Variants in NRG3 observed in about 807,000 individuals in gnomAD.
The protein encoded by NRG3 is pro-neuregulin-3, membrane-bound isoform.
NRG3 carries 31 observed loss-of-function variants against 66.9 expected under a neutral mutation model. The ratio of observed to expected loss-of-function variants is 0.46; its 90% confidence interval spans 0.35 to 0.63. The LOEUF (loss-of-function observed/expected upper bound fraction) is 0.63. NRG3 is among the 20% of genes least tolerant of loss of function. The pLI is 0.00. For missense variants in NRG3, 910 were observed against 878.9 expected (o/e 1.04, Z -0.45); for synonymous variants, 393 against 359.4 (o/e 1.09, Z -1.06).
chr10:82,901,895 A>G (rs185607675), intron 4 of NRG3, among the ~76,000 whole-genome samples: 16 of 152,274 alleles, frequency 1.1e-4, no homozygotes, highest in Non-Finnish European at 2.1e-4. Context: ...ACTTGCTTTT[A>G]TTTAGCGGCA....
At chr10:82,772,109 A>G (rs1427801873) in intron 3 of NRG3, among the ~76,000 whole-genome samples, 2 of 151,848 alleles carry the variant, frequency 1.3e-5, no homozygotes, top group Non-Finnish European at 2.9e-5. Flanking sequence ...CTTTTTTTCA[A>G]ATTTTGAGGT....
intron 8 of NRG3, among the ~76,000 whole-genome samples, chr10:82,980,819 G>A (rs1852798745): frequency 6.6e-6 from 1 of 152,190 alleles, no homozygotes. Flanking sequence ...TCAAGAAGCA[G>A]TTTGCATTTC....
intron 2 of NRG3, among the ~76,000 whole-genome samples, chr10:82,651,343 G>T (rs749794343): frequency 2.0e-5 from 3 of 152,166 alleles, no homozygotes; most frequent in Non-Finnish European, 4.4e-5. Context: ...TCCTAATAAG[G>T]GGAAAAGAAA....
At chr10:82,771,885 A>G (rs1282944448) in intron 3 of NRG3, among the ~76,000 whole-genome samples, 1 of 151,898 alleles carries the variant, frequency 6.6e-6, no homozygotes, top group Non-Finnish European at 1.5e-5. Context: ...TCAATTTTGG[A>G]TTTACCTTTG....
intron 2 of NRG3, among the ~76,000 whole-genome samples, chr10:82,535,356 C>T (rs1174904094): frequency 2.0e-5 from 3 of 151,636 alleles, no homozygotes. Context: ...TAGAATTAGC[C>T]CAGAACACTT....
At chr10:82,073,728 C>T (rs1037037842) in intron 1 of NRG3, among the ~76,000 whole-genome samples, 7 of 152,074 alleles carry the variant, frequency 4.6e-5, no homozygotes, top group African/African-American at 9.7e-5. Context: ...TTACTTAGAA[C>T]GCTGTAATTA....
intron 2 of NRG3, among the ~76,000 whole-genome samples, chr10:82,646,798 T>A (rs1451720712): frequency 6.6e-6 from 1 of 152,094 alleles, no homozygotes; most frequent in Non-Finnish European, 1.5e-5. Context: ...CCGTCAGGGT[T>A]TGCTAACTGG....
intron 2 of NRG3, among the ~76,000 whole-genome samples, chr10:82,488,096 A>G (rs1177189435): frequency 6.6e-6 from 1 of 152,192 alleles, no homozygotes; most frequent in Non-Finnish European, 1.5e-5. Context: ...TGGGAGATAT[A>G]ATTATGAGCC....
rs905250537 is a variant in NRG3 at position 82,551,452 on chromosome 10, T to C, written c.954-187125T>C. Among the ~76,000 whole-genome samples, 11 of 152,106 alleles carry C rather than the reference T, an allele frequency of 7.2e-5. No individual in the cohort carries two copies. The East Asian group carries it at 1.9e-3, about 27-fold the overall frequency. ...GAAGACAAGTATGCCTGTAATACTA[T>C]GAAATGAGATTAAGTTACCCTACTA... On this transcript the variant is annotated intron_variant, in intron 2 of 8. Transcript: ENST00000372141.
intron 2 of NRG3, among the ~76,000 whole-genome samples, chr10:82,725,284 A>G (rs551692020): frequency 6.6e-6 from 1 of 152,318 alleles, no homozygotes; most frequent in Non-Finnish European, 1.5e-5. Context: ...CGATTCACCA[A>G]ATCAAGTCAG....
chr10:82,109,947 T>G (rs1430774656), intron 1 of NRG3, among the ~76,000 whole-genome samples: 1 of 152,160 alleles, frequency 6.6e-6, no homozygotes, highest in Non-Finnish European at 1.5e-5. Flanking sequence ...TCACTGTGAT[T>G]CATTGATTCC....
chr10:82,680,643 G>T (rs560718565), intron 2 of NRG3, among the ~76,000 whole-genome samples: 6 of 152,086 alleles, frequency 3.9e-5, no homozygotes, highest in Non-Finnish European at 7.4e-5. Context: ...TTTATGAATC[G>T]CTGTTGATCA....
chr10:82,745,487 A>T (rs1048888938), intron 3 of NRG3, among the ~76,000 whole-genome samples: 16 of 152,114 alleles, frequency 1.1e-4, no homozygotes, highest in African/African-American at 3.9e-4. Context: ...GCCTTCCAGG[A>T]GCCATAAAAA....
intron 1 of NRG3, among the ~76,000 whole-genome samples, chr10:82,128,819 T>G (rs992088392): frequency 1.3e-5 from 2 of 152,096 alleles, no homozygotes; most frequent in Non-Finnish European, 2.9e-5. Flanking sequence ...ACTTTGAGTT[T>G]ACAATTAGGG....
At chr10:82,105,917 A>G (rs1025564776) in intron 1 of NRG3, among the ~76,000 whole-genome samples, 10 of 152,094 alleles carry the variant, frequency 6.6e-5, no homozygotes, top group Admixed American at 2.0e-4. Context: ...GCCTTATGTC[A>G]TATTTAATGG....
chr10:82,619,636 A>T (rs2048906429), intron 2 of NRG3, among the ~76,000 whole-genome samples: 1 of 152,194 alleles, frequency 6.6e-6, no homozygotes, highest in African/African-American at 2.4e-5. Context: ...CCTAATCTCC[A>T]GTGCATCATA....
intron 1 of NRG3, among the ~76,000 whole-genome samples, chr10:82,231,401 A>G (rs114638508): frequency 0.012 from 1,843 of 152,248 alleles, 37 homozygotes; most frequent in African/African-American, 0.042. Context: ...GGTAACAAAA[A>G]AGGTAATAGA....
chr10:82,875,383 G>T (rs929500069), intron 4 of NRG3, among the ~76,000 whole-genome samples: 3 of 151,974 alleles, frequency 2.0e-5, no homozygotes, highest in Admixed American at 2.0e-4. Flanking sequence ...TTCAAGGCAG[G>T]GTCTTGCTCT....
chr10:82,570,438 G>A (rs770285983), intron 2 of NRG3, among the ~76,000 whole-genome samples: 5 of 151,548 alleles, frequency 3.3e-5, no homozygotes, highest in African/African-American at 4.8e-5. Context: ...TTTCCTGATG[G>A]TAGGGAGAGG....
Sources: gnomAD v4.1 joint callset for allele counts (sites outside exome capture counted in the v4.1 genomes callset) on GRCh38, gnomAD v4.1.1 for gene constraint, MANE v1.5 for transcripts, NCBI Gene and HGNC (gene_info 2026-07-23, HGNC 2026-07-21) for gene names.